Variants in LEKR1 observed in about 807,000 individuals in gnomAD.
LEKR1 encodes the protein protein LEKR1.
A neutral mutation model predicts 72.4 loss-of-function variants in LEKR1; 59 were observed. That is an observed-to-expected ratio of 0.82 (90% CI 0.66 to 1.01). The LOEUF (loss-of-function observed/expected upper bound fraction) is 1.01, where lower values mean the gene tolerates loss of function less well. LEKR1 is among the 50% of genes least tolerant of loss of function. LEKR1 has a pLI of 0.00. For missense variants in LEKR1, 728 were observed against 759.2 expected, an observed-to-expected ratio of 0.96 and a Z score of 0.48; for synonymous variants, 257 against 263.2, an observed-to-expected ratio of 0.98 and a Z score of 0.23.
At chr3:156,893,811 G>C (rs1720911970) in intron 3 of LEKR1, among the ~76,000 whole-genome samples, 1 of 152,120 alleles carries the variant, frequency 6.6e-6, no homozygotes, top group Non-Finnish European at 1.5e-5. Context: ...AGCATCTCCA[G>C]GTGTAGGACT....
intron 6 of LEKR1, among the ~76,000 whole-genome samples, chr3:156,955,729 C>G (rs1421670461): frequency 1.4e-4 from 21 of 151,952 alleles, no homozygotes; most frequent in Admixed American, 1.4e-3. Flanking sequence ...TTTTGATGTG[C>G]TGCTGGATTC....
chr3:156,902,819 C>A (rs113540083), intron 3 of LEKR1, among the ~76,000 whole-genome samples: 4,834 of 151,750 alleles, frequency 0.032, 118 homozygotes, highest in Non-Finnish European at 0.048. Context: ...GCTTTCATAG[C>A]GAAATGCTTG....
At chr3:157,012,173 T>A (rs73170809) in intron 10 of LEKR1, among the ~76,000 whole-genome samples, 9,862 of 152,188 alleles carry the variant, frequency 0.065, 477 homozygotes, top group Middle Eastern at 0.2. Context: ...TTAAAAGCAG[T>A]CATCTTTCTG....
At chr3:156,972,048 T>G (rs930103550) in intron 6 of LEKR1, among the ~76,000 whole-genome samples, 3 of 152,180 alleles carry the variant, frequency 2.0e-5, no homozygotes, top group Non-Finnish European at 4.4e-5. Context: ...ACATGTATGT[T>G]TATTGCGGCA....
At chr3:157,023,310 A>G (rs1733967194) in intron 10 of LEKR1, among the ~76,000 whole-genome samples, 2 of 152,186 alleles carry the variant, frequency 1.3e-5, no homozygotes, top group Admixed American at 1.3e-4. Flanking sequence ...CAGTTCTAAT[A>G]GATTTCTTCT....
At chr3:156,996,395 G>A (rs1467537100) in intron 9 of LEKR1, among the ~76,000 whole-genome samples, 1 of 152,092 alleles carries the variant, frequency 6.6e-6, no homozygotes, top group Non-Finnish European at 1.5e-5. Flanking sequence ...AGGACAGCAG[G>A]GTAGCGTGGC....
At chr3:156,932,473 G>T (rs898321127) in intron 5 of LEKR1, among the ~76,000 whole-genome samples, 3 of 152,104 alleles carry the variant, frequency 2.0e-5, no homozygotes, top group African/African-American at 7.2e-5. Context: ...AGCACTATGG[G>T]AGACTGAGGC....
At chr3:156,860,362 A>G (rs1407035248) in intron 3 of LEKR1, among the ~76,000 whole-genome samples, 1 of 152,144 alleles carries the variant, frequency 6.6e-6, no homozygotes, top group African/African-American at 2.4e-5. Flanking sequence ...TGCCAAATTG[A>G]GACTGTCATG....
intron 7 of LEKR1, among the ~76,000 whole-genome samples, chr3:156,980,359 A>T (rs1000622880): frequency 1.1e-4 from 16 of 152,204 alleles, no homozygotes; most frequent in Non-Finnish European, 2.1e-4. Flanking sequence ...GTAACAAAAT[A>T]GTTTGTTTCT....
At chr3:156,847,374 G>A (rs1335942285) in intron 2 of LEKR1, among the ~76,000 whole-genome samples, 1 of 152,120 alleles carries the variant, frequency 6.6e-6, no homozygotes, top group Non-Finnish European at 1.5e-5. Context: ...CCTCCAAAGT[G>A]CATCTTGTAG....
chr3:156,945,603 A>G (rs759344610), intron 6 of LEKR1, among the ~76,000 whole-genome samples: 3 of 151,772 alleles, frequency 2.0e-5, no homozygotes, highest in Non-Finnish European at 4.4e-5. Flanking sequence ...TTAAATATTT[A>G]ATCCATTGTG....
intron 2 of LEKR1, among the ~76,000 whole-genome samples, chr3:156,851,561 A>G (rs1715365964): frequency 1.3e-5 from 2 of 152,188 alleles, no homozygotes; most frequent in African/African-American, 2.4e-5. Context: ...CATTTTATAT[A>G]GTGGCAAGTA....
At chr3:156,993,374 G>A (rs1731294481) in intron 9 of LEKR1, 97 bp downstream of exon 9, 1 of 745,008 alleles carries the variant, frequency 1.3e-6, no homozygotes, top group Non-Finnish European at 2.2e-6. Flanking sequence ...TATAACAATA[G>A]TGAAATCACA....
chr3:156,931,138 T>C (rs1270743007), intron 5 of LEKR1, among the ~76,000 whole-genome samples: 3 of 152,076 alleles, frequency 2.0e-5, no homozygotes, highest in Non-Finnish European at 2.9e-5. Flanking sequence ...AGAGAAAATA[T>C]TTACAAAATG....
chr3:156,859,864 T>G (rs1375928603), intron 3 of LEKR1, among the ~76,000 whole-genome samples: 1 of 152,224 alleles, frequency 6.6e-6, no homozygotes, highest in Non-Finnish European at 1.5e-5. Flanking sequence ...CCAAGAATAC[T>G]TTCTGTCATT....
intron 2 of LEKR1, among the ~76,000 whole-genome samples, chr3:156,848,673 G>C (rs1714930561): frequency 1.3e-5 from 2 of 152,134 alleles, no homozygotes; most frequent in African/African-American, 2.4e-5. Flanking sequence ...CTGAATAATA[G>C]AACAGTATCA....
chr3:156,925,744 T>TA (rs1181039538), intron 4 of LEKR1, among the ~76,000 whole-genome samples: 1 of 151,974 alleles, frequency 6.6e-6, no homozygotes, highest in Non-Finnish European at 1.5e-5. Flanking sequence ...TCTCACTTTT[T>TA]AAAAAAATTA....
rs554396097 is a variant in LEKR1, at chr3:157,028,526, AAATCACATCCTGGTGCTCTGTCCTT to A, written c.1668+152_1668+176del. On this transcript the variant is annotated intron_variant, in intron 12 of 12. Coordinates refer to ENST00000356539, the MANE Select transcript of LEKR1 (RefSeq NM_001004316.3). ...GAGTCCTGGAATGTTAGTCTGACCT[AAATCACATCCTGGTGCTCTGTCCTT>A]AATCACATCCTGGTGCTCTGTCCTT... 1.2e-3 allele frequency: 932 copies of A among 782,998 alleles called. 7 individuals are homozygous for A. In the African/African-American group the frequency reaches 0.014, roughly 12 times the overall value. The allele number at this position is 782,998 out of a possible 1,614,324, so 48.5% of individuals were successfully genotyped here. A position where few individuals can be genotyped will look rare whatever the true frequency, so the allele number is the denominator to read the frequency against.
At chr3:156,922,877 G>A (rs1261766998) in intron 4 of LEKR1, among the ~76,000 whole-genome samples, 2 of 152,080 alleles carry the variant, frequency 1.3e-5, no homozygotes, top group African/African-American at 4.8e-5. Context: ...ACTTTTAGAG[G>A]ATTACTATTG....
Sources: allele counts gnomAD v4.1 joint callset (sites outside exome capture counted in the v4.1 genomes callset), GRCh38; gene constraint gnomAD v4.1.1; transcripts MANE v1.5; gene names NCBI Gene and HGNC (gene_info 2026-07-23, HGNC 2026-07-21).